GALNTL6: variants seen among roughly 807,000 people sequenced by gnomAD.
The protein encoded by GALNTL6 is polypeptide N-acetylgalactosaminyltransferase-like 6.
A neutral mutation model predicts 73.7 loss-of-function variants in GALNTL6; 46 were observed. That is an observed-to-expected ratio of 0.62 (90% confidence interval 0.49 to 0.80). GALNTL6 has a LOEUF of 0.80. Ranked by LOEUF, GALNTL6 falls within the 30% of genes least tolerant of loss-of-function variation. The pLI is 0.00. For synonymous variants in GALNTL6, 259 were observed against 263.7 expected (o/e 0.98, Z 0.17); for missense variants, 604 against 755.0 (o/e 0.80, Z 2.34).
chr4:172,921,956 T>C (rs770827954), intron 8 of GALNTL6, among the ~76,000 whole-genome samples: 1 of 152,346 alleles, frequency 6.6e-6, no homozygotes, highest in South Asian at 2.1e-4. Context: ...GGTTTGACTG[T>C]GTCCCCACCC....
At chr4:172,456,449 C>T (rs1732401496) in intron 5 of GALNTL6, among the ~76,000 whole-genome samples, 1 of 151,642 alleles carries the variant, frequency 6.6e-6, no homozygotes, top group African/African-American at 2.4e-5. Context: ...AAGCTAAAAC[C>T]TTGAAAAAAA....
At chr4:172,040,605 CTAATA>C (rs1234424230) in intron 2 of GALNTL6, among the ~76,000 whole-genome samples, 13 of 152,048 alleles carry the variant, frequency 8.5e-5, no homozygotes, top group Non-Finnish European at 2.9e-5. Context: ...TATTGATGGT[CTAATA>C]TGTTATTTGA....
chr4:172,711,500 T>G (rs944180568), intron 5 of GALNTL6, among the ~76,000 whole-genome samples: 4 of 152,066 alleles, frequency 2.6e-5, no homozygotes, highest in African/African-American at 7.2e-5. Context: ...CTCTGGCTTT[T>G]GGGTGAATAT....
intron 10 of GALNTL6, among the ~76,000 whole-genome samples, chr4:173,006,350 G>T (rs1391641296): frequency 6.6e-6 from 1 of 152,310 alleles, no homozygotes; most frequent in Admixed American, 6.5e-5. Flanking sequence ...CCTGCTCAGA[G>T]TTCTGTCAGG....
intron 2 of GALNTL6, among the ~76,000 whole-genome samples, chr4:171,998,965 A>G (rs540628407): frequency 9.2e-5 from 14 of 152,224 alleles, no homozygotes; most frequent in Non-Finnish European, 1.6e-4. Flanking sequence ...ACAGCCTCAT[A>G]CCCTCAAGTA....
intron 2 of GALNTL6, among the ~76,000 whole-genome samples, chr4:172,173,662 G>A (rs1322521929): frequency 1.3e-5 from 2 of 152,198 alleles, no homozygotes; most frequent in Admixed American, 6.5e-5. Flanking sequence ...AATTGGAAAC[G>A]GAGCTATTTA....
chr4:172,591,933 G>A (rs890350720), intron 5 of GALNTL6, among the ~76,000 whole-genome samples: 4 of 152,144 alleles, frequency 2.6e-5, no homozygotes, highest in African/African-American at 9.7e-5. Context: ...GCACAAGGAG[G>A]AGCAAAACTC....
intron 4 of GALNTL6, among the ~76,000 whole-genome samples, chr4:172,347,719 A>G (rs1741798976): frequency 6.6e-6 from 1 of 152,162 alleles, no homozygotes; most frequent in South Asian, 2.1e-4. Context: ...TTGTGCCCAT[A>G]TCATTATAAT....
intron 5 of GALNTL6, among the ~76,000 whole-genome samples, chr4:172,458,092 A>C (rs560897814): frequency 1.3e-5 from 2 of 152,252 alleles, no homozygotes; most frequent in East Asian, 1.9e-4. Flanking sequence ...AACCACATGG[A>C]AACTGAACAA....
intron 8 of GALNTL6, among the ~76,000 whole-genome samples, chr4:172,908,546 A>G (rs1196556831): frequency 6.6e-6 from 1 of 151,964 alleles, no homozygotes; most frequent in East Asian, 1.9e-4. Context: ...GAAATCAACT[A>G]AAAAATGACT....
chr4:172,844,777 G>A (rs1743399337), intron 7 of GALNTL6, among the ~76,000 whole-genome samples: 1 of 152,150 alleles, frequency 6.6e-6, no homozygotes, highest in Non-Finnish European at 1.5e-5. Context: ...CATTGCATAA[G>A]CAGCTCATTG....
intron 2 of GALNTL6, among the ~76,000 whole-genome samples, chr4:171,855,359 T>C (rs1395486779): frequency 6.6e-6 from 1 of 152,210 alleles, no homozygotes; most frequent in African/African-American, 2.4e-5. Context: ...TGTCAGATAG[T>C]TGAAATTATT....
At chr4:172,574,697 A>C (rs1195287230) in intron 5 of GALNTL6, among the ~76,000 whole-genome samples, 1 of 152,044 alleles carries the variant, frequency 6.6e-6, no homozygotes, top group Non-Finnish European at 1.5e-5. Flanking sequence ...CTTCAAGTAC[A>C]TAATTTAGAT....
intron 2 of GALNTL6, among the ~76,000 whole-genome samples, chr4:172,138,523 T>A (rs1314506081): frequency 9.3e-3 from 303 of 32,482 alleles, no homozygotes; most frequent in Non-Finnish European, 0.011. Context: ...ATTTTTTTTT[T>A]TTTTTTTTTT....
intron 2 of GALNTL6, among the ~76,000 whole-genome samples, chr4:172,153,222 C>T (rs944899305): frequency 2.6e-5 from 4 of 152,132 alleles, no homozygotes; most frequent in African/African-American, 9.7e-5. Flanking sequence ...AGCGGAAACT[C>T]GTAGTAAAAG....
intron 5 of GALNTL6, among the ~76,000 whole-genome samples, chr4:172,743,959 C>A (rs1736951196): frequency 6.6e-6 from 1 of 152,058 alleles, no homozygotes. Context: ...TTTTAAGTGG[C>A]ATTCATCTTA....
intron 5 of GALNTL6, among the ~76,000 whole-genome samples, chr4:172,383,043 T>A (rs2111286743): frequency 6.6e-6 from 1 of 152,282 alleles, no homozygotes; most frequent in Non-Finnish European, 1.5e-5. Flanking sequence ...CTGTAATAAA[T>A]CTCATTATCA....
intron 8 of GALNTL6, among the ~76,000 whole-genome samples, chr4:172,894,179 T>C (rs1273870037): frequency 6.6e-6 from 1 of 152,258 alleles, no homozygotes; most frequent in East Asian, 1.9e-4. Context: ...CACTGTTTTA[T>C]TGTCTCAGTT....
intron 4 of GALNTL6, among the ~76,000 whole-genome samples, chr4:172,312,436 G>C (rs1740395909): frequency 1.3e-5 from 2 of 151,776 alleles, no homozygotes; most frequent in African/African-American, 2.4e-5. Context: ...TTTCCTAATA[G>C]CATAAACACC....
Sources: gnomAD v4.1 joint callset for allele counts (sites outside exome capture counted in the v4.1 genomes callset) on GRCh38, gnomAD v4.1.1 for gene constraint, MANE v1.5 for transcripts, NCBI Gene and HGNC (gene_info 2026-07-23, HGNC 2026-07-21) for gene names.